KCNIP1: variants seen among roughly 807,000 people sequenced by gnomAD.
The protein encoded by KCNIP1 is A-type potassium channel modulatory protein KCNIP1.
In KCNIP1, 18 loss-of-function variants were observed where a neutral mutation model predicts 33.0. The observed-to-expected ratio is 0.55, with a 90% CI of 0.38 to 0.81. The LOEUF (loss-of-function observed/expected upper bound fraction) is 0.81. Ranked by LOEUF, KCNIP1 falls within the 30% of genes least tolerant of loss-of-function variation. The pLI is 0.00. For synonymous variants in KCNIP1, 93 were observed against 98.3 expected (o/e 0.95, Z 0.32); for missense variants, 238 against 271.6 (o/e 0.88, Z 0.87).
At chr5:170,450,595 C>T (rs1189306463) in intron 1 of KCNIP1, among the ~76,000 whole-genome samples, 1 of 152,198 alleles carries the variant, frequency 6.6e-6, no homozygotes, top group African/African-American at 2.4e-5. Flanking sequence ...CTCCTGCCTG[C>T]TATCCACCCA....
In KCNIP1 at chr5:170,483,086, C is replaced by T. The variant is rs187791294; in HGVS notation, c.88+129122C>T. ...TGGAGTCAAAAGTGGAACTGGGGCC[C>T]GCAGAGCCGGATAGCTTGGGCAGTA... On this transcript the variant is annotated intron_variant, in intron 1 of 7. Coordinates refer to the KCNIP1 transcript ENST00000377360. The T allele has an allele frequency of 2.8e-3, 1,261 of 454,290 alleles. 12 individuals carry two copies. The highest frequency in any genetic ancestry group is 9.3e-3 in the South Asian group (598 of 64,132). The allele number at this position is 454,290 out of a possible 1,614,324, so 28.1% of individuals were successfully genotyped here.
At chr5:170,529,087 T>C (rs951068806) in intron 1 of KCNIP1, among the ~76,000 whole-genome samples, 3 of 151,488 alleles carry the variant, frequency 2.0e-5, no homozygotes, top group Admixed American at 2.0e-4. Context: ...AAAAGGGGGG[T>C]TTATTGGTTC....
At chr5:170,631,828 C>G (rs184303782) in intron 1 of KCNIP1, among the ~76,000 whole-genome samples, 1 of 152,212 alleles carries the variant, frequency 6.6e-6, no homozygotes, top group Non-Finnish European at 1.5e-5. Context: ...CAGTCCTGAC[C>G]AGGGGAAAGA....
At chr5:170,577,603 G>T (rs1291343988) in intron 1 of KCNIP1, among the ~76,000 whole-genome samples, 1 of 152,138 alleles carries the variant, frequency 6.6e-6, no homozygotes, top group Non-Finnish European at 1.5e-5. Flanking sequence ...AAAGGTTAAA[G>T]AAACAAAGAA....
chr5:170,619,573 C>G (rs552161929), intron 1 of KCNIP1, among the ~76,000 whole-genome samples: 1 of 152,078 alleles, frequency 6.6e-6, no homozygotes, highest in Non-Finnish European at 1.5e-5. Context: ...ATCAAAGAAG[C>G]CTGGATGAAG....
chr5:170,693,584 T>C (rs1581508893), intron 1 of KCNIP1, among the ~76,000 whole-genome samples: 1 of 152,220 alleles, frequency 6.6e-6, no homozygotes, highest in South Asian at 2.1e-4. Flanking sequence ...ACCCAGCTCT[T>C]CCCACGTCTC....
At chr5:170,488,979 C>T (rs979604316) in intron 1 of KCNIP1, among the ~76,000 whole-genome samples, 18 of 152,172 alleles carry the variant, frequency 1.2e-4, no homozygotes, top group African/African-American at 4.3e-4. Context: ...ATTACCAAGC[C>T]AGAGTGCAGA....
At chr5:170,625,797 T>C (rs962091467) in intron 1 of KCNIP1, among the ~76,000 whole-genome samples, 1 of 152,066 alleles carries the variant, frequency 6.6e-6, no homozygotes, top group African/African-American at 2.4e-5. Context: ...GTGCAAAGTG[T>C]TAGAAACGCG....
intron 1 of KCNIP1, among the ~76,000 whole-genome samples, chr5:170,401,167 T>G (rs903967838): frequency 6.6e-6 from 1 of 152,192 alleles, no homozygotes; most frequent in Admixed American, 6.5e-5. Context: ...TGAGACAGAT[T>G]CTTCAGCTGC....
chr5:170,710,901 C>T (rs1348356979), intron 1 of KCNIP1, among the ~76,000 whole-genome samples: 1 of 152,202 alleles, frequency 6.6e-6, no homozygotes, highest in Admixed American at 6.5e-5. Context: ...GCTTCCTCCC[C>T]TCAGCTCCCA....
At chr5:170,563,933 A>G (rs748726940) in intron 1 of KCNIP1, among the ~76,000 whole-genome samples, 13 of 152,160 alleles carry the variant, frequency 8.5e-5, no homozygotes, top group Non-Finnish European at 1.8e-4. Flanking sequence ...CCACTGCATC[A>G]GGCGTTTTAA....
chr5:170,666,296 G>A lies in KCNIP1; in HGVS notation c.62-52462G>A, dbSNP rs750717224. Among the ~76,000 whole-genome samples the A allele has an allele frequency of 1.1e-4, 17 of 152,156 alleles. No individual in the cohort carries two copies. The South Asian group carries it at 2.9e-3, about 26-fold the overall frequency. ...TCTTGCAGTTGGCTCCTATGTCCCCGTCATTGAGGGGTTTGGGTTTTGTGT... is the reference window on the plus strand; with the variant it reads ...TCTTGCAGTTGGCTCCTATGTCCCCATCATTGAGGGGTTTGGGTTTTGTGT... On this transcript the variant is annotated intron_variant, in intron 1 of 7. Transcript: ENST00000328939.
chr5:170,610,999 G>A (rs1347880357), intron 1 of KCNIP1, among the ~76,000 whole-genome samples: 1 of 152,208 alleles, frequency 6.6e-6, no homozygotes, highest in East Asian at 1.9e-4. Context: ...TCAGGAAACT[G>A]AGTTCCCCCC....
intron 1 of KCNIP1, among the ~76,000 whole-genome samples, chr5:170,622,212 T>C (rs953494746): frequency 5.3e-5 from 8 of 152,186 alleles, no homozygotes; most frequent in African/African-American, 1.9e-4. Context: ...AACCTTCAAA[T>C]GTGACCTTTT....
At chr5:170,609,024 C>T (rs539315243) in intron 1 of KCNIP1, among the ~76,000 whole-genome samples, 2 of 152,204 alleles carry the variant, frequency 1.3e-5, no homozygotes, top group South Asian at 4.1e-4. Context: ...ATGTCTGTCT[C>T]CCCTCAGTGT....
chr5:170,595,438 T>A (rs1758410525), intron 1 of KCNIP1, among the ~76,000 whole-genome samples: 1 of 152,172 alleles, frequency 6.6e-6, no homozygotes, highest in African/African-American at 2.4e-5. Flanking sequence ...GGGCAGCCAA[T>A]CCCCATGCTG....
chr5:170,439,376 G>A (rs1423445384), intron 1 of KCNIP1, among the ~76,000 whole-genome samples: 1 of 152,248 alleles, frequency 6.6e-6, no homozygotes, highest in Admixed American at 6.5e-5. Flanking sequence ...GCACAAGTGA[G>A]GAACAAGGGC....
intron 1 of KCNIP1, among the ~76,000 whole-genome samples, chr5:170,545,508 G>A (rs961013863): frequency 5.9e-5 from 9 of 152,072 alleles, no homozygotes; most frequent in Admixed American, 2.0e-4. Context: ...TTATGTGTAT[G>A]TTAGACCTTT....
intron 1 of KCNIP1, among the ~76,000 whole-genome samples, chr5:170,439,030 T>C (rs1189015374): frequency 2.0e-5 from 3 of 152,032 alleles, no homozygotes; most frequent in African/African-American, 7.2e-5. Flanking sequence ...AAATATTCCC[T>C]CTCTATCAAC....
Sources: gnomAD v4.1 joint callset for allele counts (sites outside exome capture counted in the v4.1 genomes callset) on GRCh38, gnomAD v4.1.1 for gene constraint, MANE v1.5 for transcripts, NCBI Gene and HGNC (gene_info 2026-07-23, HGNC 2026-07-21) for gene names.